Variants in HAT1 observed in about 807,000 individuals in gnomAD.
HAT1 encodes the protein histone acetyltransferase 1, also known as histone acetyltransferase type B catalytic subunit.
A neutral mutation model predicts 56.6 loss-of-function variants in HAT1; 20 were observed. The ratio of observed to expected loss-of-function variants is 0.35; its 90% confidence interval spans 0.25 to 0.51. The LOEUF is 0.51. HAT1 is among the 20% of genes least tolerant of loss of function. HAT1 has a pLI of 0.95. For synonymous variants in HAT1, 146 were observed against 165.5 expected (o/e 0.88, Z 0.91); for missense variants, 408 against 504.3 (o/e 0.81, Z 1.83).
intron 2 of HAT1, among the ~76,000 whole-genome samples, chr2:171,938,945 T>G (rs1195568036): frequency 6.6e-6 from 1 of 152,136 alleles, no homozygotes; most frequent in Non-Finnish European, 1.5e-5. Flanking sequence ...TTCGCCATGT[T>G]GCTCAGGCTG....
intron 2 of HAT1, among the ~76,000 whole-genome samples, chr2:171,935,026 G>T (rs1328368582): frequency 6.6e-6 from 1 of 151,452 alleles, no homozygotes; most frequent in East Asian, 2.0e-4. Flanking sequence ...AAAGTGCTGG[G>T]ATTACAGGCG....
At chr2:171,940,543 G>A (rs996087148) in intron 2 of HAT1, among the ~76,000 whole-genome samples, 3 of 152,234 alleles carry the variant, frequency 2.0e-5, no homozygotes, top group African/African-American at 7.2e-5. Flanking sequence ...CTTAGTTTTA[G>A]CAATTTGGTT....
intron 4 of HAT1, among the ~76,000 whole-genome samples, chr2:171,962,234 C>T (rs1687592499): frequency 6.6e-6 from 1 of 152,100 alleles, no homozygotes; most frequent in African/African-American, 2.4e-5. Context: ...CTTGAAATGA[C>T]CATAGTTAAA....
At chr2:171,970,763 C>T (rs558304884) in intron 8 of HAT1, among the ~76,000 whole-genome samples, 83 of 150,812 alleles carry the variant, frequency 5.5e-4, no homozygotes, top group African/African-American at 1.7e-3. Flanking sequence ...TGTGACCCTC[C>T]GGCCTCGGCC....
chr2:171,929,478 C>T (rs746504022), intron 2 of HAT1, among the ~76,000 whole-genome samples: 55 of 152,058 alleles, frequency 3.6e-4, no homozygotes, highest in Non-Finnish European at 6.9e-4. Flanking sequence ...TTAATCATGT[C>T]CAGTTTATTA....
At chr2:171,950,021 C>T (rs1687265327) in intron 3 of HAT1, among the ~76,000 whole-genome samples, 1 of 152,200 alleles carries the variant, frequency 6.6e-6, no homozygotes, top group Non-Finnish European at 1.5e-5. Flanking sequence ...GTCAGTCAGT[C>T]TCCCATGGAA....
At chr2:171,924,736 T>A (rs1686538505) in intron 1 of HAT1, 1 of 152,342 alleles carries the variant, frequency 6.6e-6, no homozygotes, top group African/African-American at 2.4e-5. Context: ...TTACCCATGG[T>A]AACTATGGTT....
At chr2:171,959,871 C>A (rs1294368034) in intron 4 of HAT1, among the ~76,000 whole-genome samples, 3 of 152,114 alleles carry the variant, frequency 2.0e-5, no homozygotes, top group Non-Finnish European at 2.9e-5. Context: ...AAGGAGGAAC[C>A]AGCCATGTTA....
At chr2:171,963,327 A>G (rs1687616272) in intron 4 of HAT1, among the ~76,000 whole-genome samples, 1 of 151,978 alleles carries the variant, frequency 6.6e-6, no homozygotes, top group Admixed American at 6.6e-5. Context: ...TTATTTGAAG[A>G]TATTTATTAC....
intron 3 of HAT1, among the ~76,000 whole-genome samples, chr2:171,950,112 A>G (rs1037853974): frequency 2.0e-5 from 3 of 151,944 alleles, no homozygotes; most frequent in East Asian, 1.9e-4. Flanking sequence ...TTTTCCCCCC[A>G]TGCATTATTT....
chr2:171,942,406 T>C (rs554855839), intron 2 of HAT1, among the ~76,000 whole-genome samples: 1 of 152,344 alleles, frequency 6.6e-6, no homozygotes. Flanking sequence ...AGTATTTTTT[T>C]ATTATGTATT....
intron 2 of HAT1, among the ~76,000 whole-genome samples, chr2:171,933,791 A>G (rs1422868521): frequency 9.2e-5 from 14 of 152,294 alleles, no homozygotes; most frequent in Non-Finnish European, 1.3e-4. Flanking sequence ...TTTTAAATTC[A>G]TTGAGCCTTG....
At chr2:171,928,562 G>A (rs1215443933) in intron 2 of HAT1, among the ~76,000 whole-genome samples, 1 of 152,144 alleles carries the variant, frequency 6.6e-6, no homozygotes, top group Admixed American at 6.5e-5. Flanking sequence ...GGGCTGGAGT[G>A]CAGTGGCATG....
chr2:171,941,235 C>T (rs545647814), intron 2 of HAT1, among the ~76,000 whole-genome samples: 37 of 152,004 alleles, frequency 2.4e-4, no homozygotes, highest in Non-Finnish European at 4.4e-4. Context: ...TTTTTTGAGA[C>T]AGAGTCTCGC....
At chr2:171,926,865 C>T (rs940331077) in intron 2 of HAT1, among the ~76,000 whole-genome samples, 2 of 152,132 alleles carry the variant, frequency 1.3e-5, no homozygotes, top group African/African-American at 2.4e-5. Flanking sequence ...TTCATAGCTG[C>T]GTTATTCACA....
chr2:171,959,118 T>C (rs921917278), intron 4 of HAT1, among the ~76,000 whole-genome samples: 13 of 152,248 alleles, frequency 8.5e-5, no homozygotes, highest in Admixed American at 7.8e-4. Context: ...TTTGAAATTG[T>C]GCAGATACAA....
chr2:171,931,108 G>A lies in HAT1; in HGVS notation c.112+5467G>A, dbSNP rs569931945. Among the ~76,000 whole-genome samples the A allele has an allele frequency of 2.0e-5, 3 of 152,178 alleles. No individual in the cohort carries two copies. The East Asian group carries it at 5.8e-4, about 29-fold the overall frequency. On this transcript the variant is annotated intron_variant, in intron 2 of 10. Transcript: ENST00000264108. ...GGTCCATTATACAAAATGCCATAGT[G>A]TGGCTGGGCATGGTGGCTCACATCT...
chr2:171,959,353 G>A (rs1687521892), intron 4 of HAT1, among the ~76,000 whole-genome samples: 1 of 152,184 alleles, frequency 6.6e-6, no homozygotes, highest in Non-Finnish European at 1.5e-5. Context: ...TTTTACAGTT[G>A]CAGCTGATAG....
chr2:171,979,482 A>C, intron 10 of HAT1, 119 bp downstream of exon 10: 2 of 626,494 alleles, frequency 3.2e-6, no homozygotes, highest in South Asian at 3.8e-5. Context: ...ACTTTTACAA[A>C]AGTAGAAATA....
Sources: allele counts gnomAD v4.1 joint callset (sites outside exome capture counted in the v4.1 genomes callset), GRCh38; gene constraint gnomAD v4.1.1; transcripts MANE v1.5; gene names NCBI Gene and HGNC (gene_info 2026-07-23, HGNC 2026-07-21).